DLGAP2: variants seen among roughly 807,000 people sequenced by gnomAD.
DLGAP2 encodes disks large-associated protein 2.
DLGAP2 carries 26 observed loss-of-function variants against 100.3 expected under a neutral mutation model. That is an observed-to-expected ratio of 0.26 (90% confidence interval 0.19 to 0.36). DLGAP2 has a LOEUF of 0.36. Ranked by LOEUF, DLGAP2 falls within the 10% of genes least tolerant of loss-of-function variation. The probability of loss-of-function intolerance (pLI) is 1.00; values close to 1 mark genes in which losing one functional copy is unlikely to be tolerated. For missense variants in DLGAP2, 1,858 were observed against 1,453.2 expected (o/e 1.28, Z -4.53); for synonymous variants, 886 against 630.1 (o/e 1.41, Z -6.08).
At chr8:1,023,319 G>C (rs920110508) in intron 2 of DLGAP2, among the ~76,000 whole-genome samples, 21 of 152,166 alleles carry the variant, frequency 1.4e-4, no homozygotes, top group African/African-American at 4.8e-4. Context: ...AGCTGGATCA[G>C]TTCAGCTGTC....
At chr8:1,107,409 G>A (rs532520812) in intron 2 of DLGAP2, among the ~76,000 whole-genome samples, 5 of 152,312 alleles carry the variant, frequency 3.3e-5, no homozygotes, top group African/African-American at 7.2e-5. Context: ...AGAGGTCAGC[G>A]AAGGCTTCCA....
intron 5 of DLGAP2, among the ~76,000 whole-genome samples, chr8:1,560,404 G>A (rs140927695): frequency 5.9e-5 from 9 of 152,266 alleles, no homozygotes; most frequent in Non-Finnish European, 7.3e-5. Flanking sequence ...TTCTGGAATA[G>A]TATTTTTGGT....
chr8:824,263 A>T (rs1046174841), intron 1 of DLGAP2, among the ~76,000 whole-genome samples: 2 of 150,958 alleles, frequency 1.3e-5, no homozygotes, highest in African/African-American at 4.9e-5. Flanking sequence ...TTTTGTAGAG[A>T]TGGGGTTTTG....
rs1388827605 is a variant in DLGAP2, at chr8:1,374,715, C to G, written c.106+115832C>G. ...ATTCATCCTTTTTGACTTTGTTTTACTTTGCATTATCAAAATGCATAAAGT... is the reference window on the plus strand; with the variant it reads ...ATTCATCCTTTTTGACTTTGTTTTAGTTTGCATTATCAAAATGCATAAAGT... On this transcript the variant is annotated intron_variant, in intron 3 of 14. Coordinates refer to ENST00000637795, the MANE Select transcript of DLGAP2 (RefSeq NM_001346810.2). Among the ~76,000 whole-genome samples the G allele has an allele frequency of 1.0e-4, 15 of 149,402 alleles. No homozygotes were observed. In the Admixed American group the frequency reaches 1.0e-3, roughly 10 times the overall value.
At chr8:1,261,203 T>G (rs1269624836) in intron 3 of DLGAP2, among the ~76,000 whole-genome samples, 2 of 151,094 alleles carry the variant, frequency 1.3e-5, no homozygotes, top group Non-Finnish European at 2.9e-5. Context: ...AGCTTCCAGA[T>G]CTTTAAAACG....
intron 2 of DLGAP2, among the ~76,000 whole-genome samples, chr8:959,955 T>C (rs113320184): frequency 1.9e-3 from 282 of 152,292 alleles, no homozygotes; most frequent in African/African-American, 6.2e-3. Context: ...TGAAAAAAGA[T>C]AGTTATGCTA....
intron 12 of DLGAP2, chr8:1,688,238 C>T (rs774416236): frequency 3.3e-5 from 5 of 152,374 alleles, no homozygotes; most frequent in Non-Finnish European, 7.3e-5. Flanking sequence ...CCTCCCCTCC[C>T]TTCTCTGTTC....
In DLGAP2 at chr8:1,691,572, G is replaced by C; in HGVS notation, c.2742G>C (p.Gln914His). Residue 914 changes from glutamine to histidine, a missense_variant, in exon 13 of 15, where the codon CAG becomes CAC. By Grantham distance (24) the Gln-to-His change is conservative. Transcript: ENST00000637795. ...TCAGGAGTGCTGTTGGGAGTGCCCA[G>C]CTTCTCATGTCCCAGAAATTCCAGC... ...GKIRSAVGSAQLLMSQKFQQF... is the reference protein window; with the variant it reads ...GKIRSAVGSAHLLMSQKFQQF... 6.2e-7 allele frequency: 1 copy of C among 1,614,098 alleles called. No individual in the cohort carries two copies. The highest frequency in any genetic ancestry group is 8.5e-7 in the Non-Finnish European group (1 of 1,179,998).
chr8:1,180,384 T>G (rs769091380), intron 2 of DLGAP2, among the ~76,000 whole-genome samples: 1 of 152,230 alleles, frequency 6.6e-6, no homozygotes, highest in Non-Finnish European at 1.5e-5. Flanking sequence ...TTTATTATCA[T>G]TTTTGAGAAG....
intron 3 of DLGAP2, among the ~76,000 whole-genome samples, chr8:1,457,861 G>T (rs1357106526): frequency 6.6e-6 from 1 of 151,208 alleles, no homozygotes; most frequent in East Asian, 1.9e-4. Context: ...CATTTTCTTT[G>T]TTAATTCTAT....
chr8:1,668,230 T>C, intron 8 of DLGAP2, 99 bp from the exon 9 acceptor site: 1 of 1,158,340 alleles, frequency 8.6e-7, no homozygotes, highest in Non-Finnish European at 1.2e-6. Context: ...AGGAACAGAC[T>C]TGCTCCGTCA....
At chr8:1,295,347 C>A (rs1037914816) in intron 3 of DLGAP2, among the ~76,000 whole-genome samples, 1 of 152,236 alleles carries the variant, frequency 6.6e-6, no homozygotes, top group Non-Finnish European at 1.5e-5. Context: ...TGACCGTGGG[C>A]CCGGAGTCCC....
At chr8:1,600,157 C>T (rs998479925) in intron 6 of DLGAP2, among the ~76,000 whole-genome samples, 6 of 152,146 alleles carry the variant, frequency 3.9e-5, no homozygotes, top group African/African-American at 1.4e-4. Flanking sequence ...ATATGAAAAT[C>T]TGGGTTGAAA....
At chr8:1,001,009 A>G (rs1335406116) in intron 2 of DLGAP2, among the ~76,000 whole-genome samples, 1 of 152,162 alleles carries the variant, frequency 6.6e-6, no homozygotes, top group Non-Finnish European at 1.5e-5. Context: ...TGCCATTTAA[A>G]ATCAGGAGGT....
At chr8:1,559,917 C>T (rs944236067) in intron 5 of DLGAP2, among the ~76,000 whole-genome samples, 2 of 152,224 alleles carry the variant, frequency 1.3e-5, no homozygotes, top group Non-Finnish European at 2.9e-5. Flanking sequence ...ACCCCAGGAC[C>T]TTTCCTGATC....
chr8:1,628,711 G>C (rs1797569947), intron 7 of DLGAP2, among the ~76,000 whole-genome samples: 2 of 150,284 alleles, frequency 1.3e-5, no homozygotes, highest in Admixed American at 6.6e-5. Context: ...ACTTACTGTG[G>C]AGCAGGAATT....
chr8:1,675,665 G>C (rs774964538), intron 10 of DLGAP2, among the ~76,000 whole-genome samples: 33 of 152,264 alleles, frequency 2.2e-4, no homozygotes, highest in Non-Finnish European at 4.1e-4. Flanking sequence ...TTTAAGAAGG[G>C]AGAGATTTTA....
intron 2 of DLGAP2, among the ~76,000 whole-genome samples, chr8:1,194,816 G>A (rs1797714535): frequency 6.6e-6 from 1 of 152,150 alleles, no homozygotes; most frequent in Non-Finnish European, 1.5e-5. Flanking sequence ...CTGGCTTGAG[G>A]CCACCACTGT....
chr8:1,591,032 C>T (rs1207161949), intron 6 of DLGAP2, among the ~76,000 whole-genome samples: 1 of 152,218 alleles, frequency 6.6e-6, no homozygotes, highest in African/African-American at 2.4e-5. Context: ...GATATGAAAA[C>T]ATCTTACACA....
Sources: allele counts gnomAD v4.1 joint callset (sites outside exome capture counted in the v4.1 genomes callset), GRCh38; gene constraint gnomAD v4.1.1; transcripts MANE v1.5; gene names NCBI Gene and HGNC (gene_info 2026-07-23, HGNC 2026-07-21).